Variants in THUMPD2 observed in about 807,000 individuals in gnomAD.
The protein encoded by THUMPD2 is THUMP domain 2 tRNA and snRNA guanosine methyltransferase, also known as U6 snRNA (guanine-N(2))-methyltransferase THUMPD2.
Under a neutral mutation model 49.4 loss-of-function variants are expected in THUMPD2, and 56 were observed. That is an observed-to-expected ratio of 1.13 (90% CI 0.91 to 1.41). The LOEUF is 1.41. Among genes scored for constraint, THUMPD2 ranks in the 40% most tolerant of loss-of-function variants. The probability of loss-of-function intolerance (pLI) is 0.00; values close to 1 mark genes in which losing one functional copy is unlikely to be tolerated. For missense variants in THUMPD2, 709 were observed against 594.5 expected, an observed-to-expected ratio of 1.19 and a Z score of -2.00; for synonymous variants, 237 against 205.2, an observed-to-expected ratio of 1.15 and a Z score of -1.32.
At chr2:39,752,059 TAA>T (rs1675483687) in intron 8 of THUMPD2, among the ~76,000 whole-genome samples, 1 of 152,080 alleles carries the variant, frequency 6.6e-6, no homozygotes, top group African/African-American at 2.4e-5. Context: ...GTAGAAAAAA[TAA>T]AGTCATTAAT....
intron 9 of THUMPD2, among the ~76,000 whole-genome samples, chr2:39,740,759 C>T (rs565230827): frequency 2.1e-4 from 32 of 152,098 alleles, no homozygotes; most frequent in Non-Finnish European, 3.4e-4. Flanking sequence ...ATTCTGTCAC[C>T]CAGGTAGCTT....
chr2:39,775,278 C>T (rs572488722), intron 1 of THUMPD2, among the ~76,000 whole-genome samples: 18 of 152,136 alleles, frequency 1.2e-4, no homozygotes, highest in East Asian at 5.8e-4. Flanking sequence ...GATCCTGTCA[C>T]GATTTTTTTA....
intron 1 of THUMPD2, among the ~76,000 whole-genome samples, chr2:39,773,910 T>C (rs1300795135): frequency 1.3e-5 from 2 of 152,230 alleles, no homozygotes; most frequent in African/African-American, 4.8e-5. Context: ...CAGCAGGTCC[T>C]TGAATAACAC....
chr2:39,758,245 C>A (rs868467091), intron 6 of THUMPD2, among the ~76,000 whole-genome samples: 6 of 152,132 alleles, frequency 3.9e-5, no homozygotes, highest in Non-Finnish European at 8.8e-5. Context: ...TTAACCATAC[C>A]TCTTTCTTTA....
In THUMPD2 at chr2:39,749,903, T is replaced by C. The variant is rs576566478; in HGVS notation, c.1078+5392A>G. Among the ~76,000 whole-genome samples the C allele has an allele frequency of 1.8e-4, 28 of 152,326 alleles. No individual in the cohort carries two copies. The South Asian group carries it at 4.3e-3, about 24-fold the overall frequency. ...CTGAGGATAACAGCTTCAAGCACCA[T>C]CCATGTCCCTGCAAAGGACATTATC... On this transcript the variant is annotated intron_variant, in intron 8 of 9. Coordinates refer to ENST00000505747, the MANE Select transcript of THUMPD2 (RefSeq NM_025264.5).
intron 6 of THUMPD2, among the ~76,000 whole-genome samples, chr2:39,759,253 A>G (rs1159925925): frequency 1.3e-5 from 2 of 152,016 alleles, no homozygotes; most frequent in Non-Finnish European, 2.9e-5. Flanking sequence ...CTTAGGCCGG[A>G]GAAGTAAAAA....
intron 1 of THUMPD2, among the ~76,000 whole-genome samples, chr2:39,774,763 C>T (rs1678846571): frequency 2.0e-5 from 3 of 152,030 alleles, no homozygotes; most frequent in Admixed American, 2.0e-4. Flanking sequence ...ATTTCATTCT[C>T]ATGTTTCTTA....
chr2:39,765,802 A>G (rs530028102), intron 5 of THUMPD2, among the ~76,000 whole-genome samples: 1 of 152,318 alleles, frequency 6.6e-6, no homozygotes, highest in East Asian at 1.9e-4. Flanking sequence ...TAATAGAACT[A>G]GATATAATTT....
chr2:39,754,005 A>T (rs1675774982), intron 8 of THUMPD2, among the ~76,000 whole-genome samples: 1 of 152,122 alleles, frequency 6.6e-6, no homozygotes. Flanking sequence ...TTTTAAATGA[A>T]ATCTTTTAGA....
intron 6 of THUMPD2, among the ~76,000 whole-genome samples, chr2:39,756,348 ATTAT>A (rs1334163356): frequency 6.6e-6 from 1 of 152,036 alleles, no homozygotes; most frequent in Non-Finnish European, 1.5e-5. Flanking sequence ...TTGTGATTCT[ATTAT>A]TTAAGTCAAA....
At chr2:39,778,969 C>T in intron 1 of THUMPD2, 145 bp downstream of exon 1, 1 of 1,096,816 alleles carries the variant, frequency 9.1e-7, no homozygotes, top group Non-Finnish European at 1.2e-6. Flanking sequence ...GCGGAAGCGC[C>T]TGCCAGTCAA....
chr2:39,749,689 G>C (rs547425987), intron 8 of THUMPD2, among the ~76,000 whole-genome samples: 2 of 152,162 alleles, frequency 1.3e-5, no homozygotes, highest in South Asian at 4.2e-4. Flanking sequence ...GTTTGCTACA[G>C]ATCAACCCAC....
chr2:39,744,311 G>T, intron 9 of THUMPD2, 59 bp downstream of exon 9: 1 of 951,170 alleles, frequency 1.1e-6, no homozygotes, highest in Non-Finnish European at 1.6e-6. Context: ...GAGCTATGAT[G>T]TATTTCGGTT....
chr2:39,777,578 A>G (rs574531763), intron 1 of THUMPD2, among the ~76,000 whole-genome samples: 2 of 152,356 alleles, frequency 1.3e-5, no homozygotes, highest in South Asian at 4.1e-4. Flanking sequence ...AATAAATGTT[A>G]GTTGTCATCA....
chr2:39,766,481 C>T (rs1677537560), intron 4 of THUMPD2, among the ~76,000 whole-genome samples: 2 of 152,054 alleles, frequency 1.3e-5, no homozygotes, highest in South Asian at 4.1e-4. Flanking sequence ...AAATAGGATG[C>T]GAGGCCACAC....
intron 9 of THUMPD2, among the ~76,000 whole-genome samples, chr2:39,743,800 T>G (rs1182097466): frequency 6.6e-6 from 1 of 152,330 alleles, no homozygotes; most frequent in South Asian, 2.1e-4. Flanking sequence ...TGCAGAATCA[T>G]GAGCCAAGTA....
intron 2 of THUMPD2, 71 bp downstream of exon 2, chr2:39,771,434 T>C: frequency 6.8e-7 from 1 of 1,465,518 alleles, no homozygotes. Context: ...GGCTACATAT[T>C]ATCAAGCAGA....
intron 8 of THUMPD2, among the ~76,000 whole-genome samples, chr2:39,745,221 C>A (rs916472829): frequency 3.3e-5 from 5 of 152,038 alleles, no homozygotes; most frequent in African/African-American, 1.2e-4. Context: ...TTGAATAGTA[C>A]CTAATTTTGC....
chr2:39,736,721 T>A lies in THUMPD2; in HGVS notation c.*14A>T. 6.2e-7 allele frequency: 1 copy of A among 1,605,428 alleles called. No individual in the cohort carries two copies. The highest frequency in any genetic ancestry group is 8.5e-7 in the Non-Finnish European group (1 of 1,174,186). On this transcript the variant is annotated 3_prime_UTR_variant, in exon 10 of 10. Transcript: ENST00000505747. The stretch of plus-strand genomic sequence containing the variant: ...CTTACAAGGGCCTGAACCCGGCTGA[T>A]GGCAGCAAGCCTGCTACAGTCCAGA...
Sources: gnomAD v4.1 joint callset for allele counts (sites outside exome capture counted in the v4.1 genomes callset) on GRCh38, gnomAD v4.1.1 for gene constraint, MANE v1.5 for transcripts, NCBI Gene and HGNC (gene_info 2026-07-23, HGNC 2026-07-21) for gene names.